Variants in SERINC5 observed in about 807,000 individuals in gnomAD.
SERINC5 encodes the protein chromosome 5 open reading frame 12.
Under a neutral mutation model 63.1 loss-of-function variants are expected in SERINC5, and 41 were observed. That is an observed-to-expected ratio of 0.65 (90% CI 0.51 to 0.84). The LOEUF is 0.84. Among genes scored for constraint, SERINC5 ranks in the 40% least tolerant of loss-of-function variants. The pLI is 0.00. For synonymous variants in SERINC5, 222 were observed against 215.2 expected (o/e 1.03, Z -0.28); for missense variants, 523 against 573.0 (o/e 0.91, Z 0.89).
In SERINC5 at chr5:80,212,571, T is replaced by C. The variant is rs184458667; in HGVS notation, c.28-9518A>G. ...GAAATTCTGGACCCAACAACCAACA[T>C]TGTGTGGCTTAATCTTCCCATCTCA... On this transcript the variant is annotated intron_variant, in intron 1 of 11. Coordinates refer to ENST00000507668, the MANE Select transcript of SERINC5 (RefSeq NM_001174072.3). Among the ~76,000 whole-genome samples the C allele has an allele frequency of 5.5e-3, 834 of 150,762 alleles. 5 individuals carry two copies. Among genetic ancestry groups the C allele is most frequent in the Non-Finnish European group, 9.2e-3 (626 of 67,858 alleles).
At chr5:80,131,808 G>A (rs913631966) in intron 11 of SERINC5, among the ~76,000 whole-genome samples, 1 of 152,100 alleles carries the variant, frequency 6.6e-6, no homozygotes, top group African/African-American at 2.4e-5. Flanking sequence ...GAAGAGATGG[G>A]GTCTCTTTCC....
In SERINC5 at chr5:80,247,934, A is replaced by G. The variant is rs537433345; in HGVS notation, c.27+7962T>C. Among the ~76,000 whole-genome samples, 27 of 152,090 alleles carry G rather than the reference A, an allele frequency of 1.8e-4. No homozygotes were observed. The East Asian group carries it at 5.2e-3, about 29-fold the overall frequency. ...ACAACCATGGCTCACTGCAGCCTCG[A>G]CCTCCCTGGGCTCAGGTGATCCTCC... On this transcript the variant is annotated intron_variant, in intron 1 of 11. Coordinates refer to ENST00000507668, the MANE Select transcript of SERINC5 (RefSeq NM_001174072.3).
chr5:80,143,460 T>C lies in SERINC5; in HGVS notation c.*203A>G. The C allele has an allele frequency of 1.5e-6, 2 of 1,325,582 alleles. No homozygotes were observed. The highest frequency in any genetic ancestry group is 1.9e-6 in the Non-Finnish European group (2 of 1,039,982). The allele number at this position is 1,325,582 out of a possible 1,614,324, so 82.1% of individuals were successfully genotyped here. A position where few individuals can be genotyped will look rare whatever the true frequency, so the allele number is the denominator to read the frequency against. ...CAACCATGATCAGTTTGGTTGAAAA[T>C]TTCAATTCCTTTGGGACAAACTGGT... On this transcript the variant is annotated 3_prime_UTR_variant, in exon 12 of 12. Transcript: ENST00000507668.
At chr5:80,250,060 T>C (rs1752335605) in intron 1 of SERINC5, among the ~76,000 whole-genome samples, 2 of 152,134 alleles carry the variant, frequency 1.3e-5, no homozygotes, top group Admixed American at 6.5e-5. Context: ...GGAACAAGAG[T>C]TCTGTAACCA....
intron 1 of SERINC5, among the ~76,000 whole-genome samples, chr5:80,244,695 G>A (rs893930435): frequency 6.6e-5 from 10 of 151,926 alleles, no homozygotes; most frequent in Admixed American, 2.0e-4. Flanking sequence ...AGTGGCATGC[G>A]CCCGTAATCC....
At chr5:80,174,219 T>C (rs1355320625) in intron 5 of SERINC5, among the ~76,000 whole-genome samples, 1 of 151,628 alleles carries the variant, frequency 6.6e-6, no homozygotes, top group African/African-American at 2.4e-5. Context: ...AAAAAGAAAT[T>C]AGCCAAGTGT....
intron 1 of SERINC5, among the ~76,000 whole-genome samples, chr5:80,205,512 C>T (rs191931955): frequency 1.3e-5 from 2 of 152,296 alleles, no homozygotes; most frequent in Non-Finnish European, 2.9e-5. Flanking sequence ...GAAATGGGTG[C>T]CTTTTACACT....
chr5:80,196,611 A>G (rs560112599), intron 2 of SERINC5, among the ~76,000 whole-genome samples: 1 of 152,352 alleles, frequency 6.6e-6, no homozygotes, highest in African/African-American at 2.4e-5. Flanking sequence ...TATAATAGCC[A>G]AAAGGTACAA....
chr5:80,141,997 AC>A lies in SERINC5; in HGVS notation c.*1665del, dbSNP rs1408786634. ...AGAAAGAATTTCACTAATTTCACCC[AC>A]CAGCATTTTGGCACACAGAAGCCCA... On this transcript the variant is annotated 3_prime_UTR_variant, in exon 12 of 12. Transcript: ENST00000507668. 4.5e-5 allele frequency: 44 copies of A among 985,226 alleles called. No homozygotes were observed. The highest frequency in any genetic ancestry group is 5.1e-5 in the Non-Finnish European group (42 of 829,928). The allele number at this position is 985,226 out of a possible 1,614,324, so 61.0% of individuals were successfully genotyped here. A position where few individuals can be genotyped will look rare whatever the true frequency, so the allele number is the denominator to read the frequency against.
At chr5:80,122,812 C>T (rs1166318995) in intron 11 of SERINC5, among the ~76,000 whole-genome samples, 1 of 152,200 alleles carries the variant, frequency 6.6e-6, no homozygotes, top group African/African-American at 2.4e-5. Flanking sequence ...CCTTGCCTAA[C>T]AGTCAGCAAG....
intron 4 of SERINC5, among the ~76,000 whole-genome samples, chr5:80,176,682 C>G (rs1748053035): frequency 6.6e-6 from 1 of 152,146 alleles, no homozygotes; most frequent in African/African-American, 2.4e-5. Flanking sequence ...AGTGATCCAC[C>G]CACCTCAGCC....
chr5:80,209,750 GA>G (rs1750343451), intron 1 of SERINC5, among the ~76,000 whole-genome samples: 1 of 152,090 alleles, frequency 6.6e-6, no homozygotes, highest in Non-Finnish European at 1.5e-5. Flanking sequence ...GACTACTTGA[GA>G]AAAGTAAACG....
At chr5:80,179,012 A>G (rs2112421502) in intron 2 of SERINC5, among the ~76,000 whole-genome samples, 1 of 152,308 alleles carries the variant, frequency 6.6e-6, no homozygotes, top group East Asian at 1.9e-4. Flanking sequence ...AATTAACAAT[A>G]AGCTGGGCCA....
Position 80,232,201 on chromosome 5 carries a change from A to G in SERINC5, c.27+23695T>C, listed in dbSNP as rs369396244. Among the ~76,000 whole-genome samples, 606 of 151,070 alleles carry G rather than the reference A, an allele frequency of 4.0e-3. 3 individuals are homozygous for G. Among genetic ancestry groups the G allele is most frequent in the South Asian group, 0.023 (110 of 4,760 alleles). On this transcript the variant is annotated intron_variant, in intron 1 of 11. Transcript: ENST00000507668. ...GGGCAGATCACGAGGTCAGGAGATC[A>G]AGACCATCCTGGCTAACACCGTAAA...
chr5:80,158,488 C>A (rs1746676388), intron 8 of SERINC5: 1 of 214,270 alleles, frequency 4.7e-6, no homozygotes, highest in Non-Finnish European at 9.4e-6. Flanking sequence ...TGCTCCCCTG[C>A]CCTCCAGTAA....
intron 7 of SERINC5, among the ~76,000 whole-genome samples, chr5:80,162,481 C>T (rs1747007634): frequency 6.6e-6 from 1 of 152,156 alleles, no homozygotes; most frequent in African/African-American, 2.4e-5. Context: ...TCAGGTGATC[C>T]TCCAACCTCG....
chr5:80,147,467 C>A (rs2112308091), intron 9 of SERINC5, among the ~76,000 whole-genome samples, 183 bp from the exon 10 acceptor site: 2 of 152,322 alleles, frequency 1.3e-5, no homozygotes, highest in South Asian at 4.1e-4. Flanking sequence ...CCACAGAGAT[C>A]CTCATCCGTG....
chr5:80,223,910 G>A (rs1218757928), intron 1 of SERINC5, among the ~76,000 whole-genome samples: 2 of 151,794 alleles, frequency 1.3e-5, no homozygotes, highest in Non-Finnish European at 2.9e-5. Context: ...CAGATCACCT[G>A]AGGTCATGAG....
chr5:80,194,439 T>G (rs1421760744), intron 2 of SERINC5, among the ~76,000 whole-genome samples: 1 of 152,246 alleles, frequency 6.6e-6, no homozygotes, highest in Non-Finnish European at 1.5e-5. Context: ...CACAGTATTT[T>G]GGATCAAAGC....
Sources: allele counts gnomAD v4.1 joint callset (sites outside exome capture counted in the v4.1 genomes callset), GRCh38; gene constraint gnomAD v4.1.1; transcripts MANE v1.5; gene names NCBI Gene and HGNC (gene_info 2026-07-23, HGNC 2026-07-21).